PDE1A: variants seen among roughly 807,000 people sequenced by gnomAD.
PDE1A encodes phosphodiesterase 1A.
PDE1A carries 35 observed loss-of-function variants against 61.7 expected under a neutral mutation model. The ratio of observed to expected loss-of-function variants is 0.57; its 90% confidence interval spans 0.43 to 0.75. The LOEUF (loss-of-function observed/expected upper bound fraction) is 0.75, where lower values mean the gene tolerates loss of function less well. Ranked by LOEUF, PDE1A falls within the 30% of genes least tolerant of loss-of-function variation. The probability of loss-of-function intolerance (pLI) is 0.00; values close to 1 mark genes in which losing one functional copy is unlikely to be tolerated. For missense variants in PDE1A, 597 were observed against 630.6 expected, an observed-to-expected ratio of 0.95 and a Z score of 0.57; for synonymous variants, 232 against 213.2, an observed-to-expected ratio of 1.09 and a Z score of -0.77.
chr2:182,665,279 G>A, the PDE1A span, among the ~76,000 whole-genome samples: 1 of 152,206 alleles, frequency 6.6e-6, no homozygotes, highest in Admixed American at 6.5e-5. Flanking sequence ...TATCATCATA[G>A]TGAACAGGCA....
At position 182,302,676 on chromosome 2, in the gene PDE1A, G is replaced by A. The variant is rs574134736; in HGVS notation, c.54-38262C>T. On this transcript the variant is annotated intron_variant, in intron 1 of 13. Coordinates refer to ENST00000351439, the Ensembl canonical transcript of PDE1A. ...CAAGTTTGTCACACTGACTGACTATGTCTTTCATAAAAGATTTATCTGTAG... is the reference window on the plus strand; with the variant it reads ...CAAGTTTGTCACACTGACTGACTATATCTTTCATAAAAGATTTATCTGTAG... Among the ~76,000 whole-genome samples, 29 of 152,248 alleles carry A rather than the reference G, an allele frequency of 1.9e-4. No individual in the cohort carries two copies. In the East Asian group the frequency reaches 4.8e-3, roughly 25 times the overall value.
the PDE1A span, among the ~76,000 whole-genome samples, chr2:182,621,724 C>T: frequency 6.6e-6 from 1 of 151,588 alleles, no homozygotes; most frequent in Admixed American, 6.6e-5. Context: ...ATTGTTTTTT[C>T]TAACATTTAT....
chr2:182,445,524 T>A (rs1383648945), intron 2 of PDE1A, among the ~76,000 whole-genome samples: 1 of 152,088 alleles, frequency 6.6e-6, no homozygotes, highest in East Asian at 1.9e-4. Flanking sequence ...AGAGAGCTGA[T>A]CTGGGAGTTG....
the PDE1A span, among the ~76,000 whole-genome samples, chr2:182,530,953 G>A: frequency 6.6e-6 from 1 of 152,034 alleles, no homozygotes; most frequent in Non-Finnish European, 1.5e-5. Context: ...GGTTCTAAGT[G>A]TATACAGTGG....
At chr2:182,285,739 G>A (rs1226629461) in intron 1 of PDE1A, among the ~76,000 whole-genome samples, 1 of 152,090 alleles carries the variant, frequency 6.6e-6, no homozygotes, top group Non-Finnish European at 1.5e-5. Context: ...ATTCCAAGTA[G>A]TAGGTGGCTG....
the PDE1A span, among the ~76,000 whole-genome samples, chr2:182,592,823 G>A: frequency 5.3e-5 from 8 of 152,126 alleles, no homozygotes; most frequent in East Asian, 1.2e-3. Context: ...TGATACATTT[G>A]TCAAAACAGA....
chr2:182,250,290 A>G (rs1466489355), intron 2 of PDE1A, among the ~76,000 whole-genome samples: 2 of 152,240 alleles, frequency 1.3e-5, no homozygotes, highest in African/African-American at 2.4e-5. Flanking sequence ...TTTAATTTCC[A>G]GTGCTAGTAT....
intron 2 of PDE1A, among the ~76,000 whole-genome samples, chr2:182,450,169 T>A (rs1685416384): frequency 6.6e-6 from 1 of 152,188 alleles, no homozygotes; most frequent in Non-Finnish European, 1.5e-5. Flanking sequence ...TATCTTTAAT[T>A]ACTCCTACTG....
chr2:182,602,816 TA>T, the PDE1A span, among the ~76,000 whole-genome samples: 1 of 152,054 alleles, frequency 6.6e-6, no homozygotes, highest in Non-Finnish European at 1.5e-5. Context: ...AAAACAACAT[TA>T]GAAACTCAGG....
At chr2:182,382,250 A>T (rs1416937874) in intron 1 of PDE1A, among the ~76,000 whole-genome samples, 5 of 152,232 alleles carry the variant, frequency 3.3e-5, no homozygotes, top group Non-Finnish European at 7.3e-5. Context: ...TTTTCCTTGA[A>T]CAGTGATATA....
At chr2:182,297,063 C>T (rs1229012103) in intron 1 of PDE1A, among the ~76,000 whole-genome samples, 2 of 152,162 alleles carry the variant, frequency 1.3e-5, no homozygotes, top group Non-Finnish European at 2.9e-5. Flanking sequence ...TCTCAGCCTC[C>T]ATAATCATGT....
chr2:182,669,624 C>T, the PDE1A span, among the ~76,000 whole-genome samples: 3 of 152,184 alleles, frequency 2.0e-5, no homozygotes, highest in African/African-American at 7.2e-5. Context: ...ATGAACTCCC[C>T]ATCACTCATA....
At chr2:182,205,538 A>T (rs958443702) in intron 8 of PDE1A, among the ~76,000 whole-genome samples, 58 of 151,822 alleles carry the variant, frequency 3.8e-4, no homozygotes, top group African/African-American at 1.2e-3. Context: ...TTTTGTTTTT[A>T]AAAAAACCTT....
chr2:182,202,330 G>A (rs6706326), intron 8 of PDE1A, among the ~76,000 whole-genome samples: 12 of 151,970 alleles, frequency 7.9e-5, no homozygotes, highest in Non-Finnish European at 1.5e-4. Context: ...TAATCAAAAC[G>A]ACTACTATTA....
chr2:182,251,245 G>A (rs947425721), intron 2 of PDE1A, among the ~76,000 whole-genome samples: 14 of 152,256 alleles, frequency 9.2e-5, no homozygotes, highest in East Asian at 3.9e-4. Context: ...TATTTCATCC[G>A]CGTGAGACTT....
chr2:182,436,101 A>G (rs1684388111), intron 2 of PDE1A, among the ~76,000 whole-genome samples: 1 of 152,034 alleles, frequency 6.6e-6, no homozygotes. Context: ...AATAGGTTAC[A>G]ACACTTATTA....
the PDE1A span, among the ~76,000 whole-genome samples, chr2:182,566,465 A>G: frequency 6.6e-6 from 1 of 151,606 alleles, no homozygotes; most frequent in Non-Finnish European, 1.5e-5. Flanking sequence ...TACATTCCAA[A>G]TATATATGAT....
chr2:182,146,409 T>C (rs1305472664), downstream of PDE1A, among the ~76,000 whole-genome samples: 2 of 152,234 alleles, frequency 1.3e-5, no homozygotes, highest in East Asian at 3.8e-4. Context: ...GAAATCAGTC[T>C]AAAACATTTA....
At chr2:182,359,884 G>T (rs1699401876) in intron 1 of PDE1A, among the ~76,000 whole-genome samples, 1 of 152,132 alleles carries the variant, frequency 6.6e-6, no homozygotes, top group South Asian at 2.1e-4. Flanking sequence ...GCCAAGGAAT[G>T]ACATGTTTAT....
Sources: allele counts gnomAD v4.1 joint callset (sites outside exome capture counted in the v4.1 genomes callset), GRCh38; gene constraint gnomAD v4.1.1; transcripts MANE v1.5; gene names NCBI Gene and HGNC (gene_info 2026-07-23, HGNC 2026-07-21).